The following KCND3 variants were observed in gnomAD, a reference collection of about 807,000 sequenced individuals.
KCND3 encodes potassium voltage-gated channel subfamily D member 3.
In KCND3, 9 loss-of-function variants were observed where a neutral mutation model predicts 51.1. The ratio of observed to expected loss-of-function variants is 0.18; its 90% CI spans 0.11 to 0.31. KCND3 has a LOEUF of 0.31. KCND3 is among the 10% of genes least tolerant of loss of function. The pLI is 1.00. For missense variants in KCND3, 526 were observed against 903.8 expected, an observed-to-expected ratio of 0.58 and a Z score of 5.36; for synonymous variants, 349 against 368.0, an observed-to-expected ratio of 0.95 and a Z score of 0.59.
intron 2 of KCND3, among the ~76,000 whole-genome samples, chr1:111,826,910 A>G (rs1666604800): frequency 6.6e-6 from 1 of 152,218 alleles, no homozygotes; most frequent in South Asian, 2.1e-4. Context: ...CTTATCCAAA[A>G]GGCTTGGGAC....
chr1:111,975,798 A>G (rs1674596460), intron 2 of KCND3, among the ~76,000 whole-genome samples: 1 of 152,164 alleles, frequency 6.6e-6, no homozygotes, highest in Non-Finnish European at 1.5e-5. Flanking sequence ...TACTTTTTCA[A>G]GAACAGCACA....
At chr1:111,967,520 C>G (rs1029154033) in intron 2 of KCND3, among the ~76,000 whole-genome samples, 2 of 152,190 alleles carry the variant, frequency 1.3e-5, no homozygotes, top group African/African-American at 4.8e-5. Context: ...CCGTCAAGTA[C>G]CCTGTTCACG....
intron 2 of KCND3, among the ~76,000 whole-genome samples, chr1:111,908,018 G>C (rs1294713462): frequency 6.6e-6 from 1 of 152,196 alleles, no homozygotes; most frequent in East Asian, 1.9e-4. Flanking sequence ...AGGGACTAAG[G>C]ACTATTCCCC....
At chr1:111,930,078 TTAGG>T (rs772711129) in intron 2 of KCND3, among the ~76,000 whole-genome samples, 3 of 152,198 alleles carry the variant, frequency 2.0e-5, no homozygotes, top group Non-Finnish European at 2.9e-5. Flanking sequence ...AAGAAGCTAA[TTAGG>T]TAGGCAGATT....
intron 2 of KCND3, among the ~76,000 whole-genome samples, chr1:111,968,735 T>A (rs1351564646): frequency 4.6e-5 from 7 of 152,102 alleles, no homozygotes; most frequent in Non-Finnish European, 7.4e-5. Flanking sequence ...TCTGACAGGC[T>A]CCCCCACCTG....
At chr1:111,954,407 A>G (rs902191505) in intron 2 of KCND3, among the ~76,000 whole-genome samples, 2 of 152,226 alleles carry the variant, frequency 1.3e-5, no homozygotes, top group African/African-American at 2.4e-5. Context: ...AGTTATGATT[A>G]TTAAACTGAA....
chr1:111,979,985 C>T (rs991215789), intron 2 of KCND3, among the ~76,000 whole-genome samples: 1 of 152,150 alleles, frequency 6.6e-6, no homozygotes, highest in African/African-American at 2.4e-5. Flanking sequence ...AGTGAGGTGT[C>T]TGGCCATGGG....
chr1:111,901,819 A>G (rs572473), intron 2 of KCND3, among the ~76,000 whole-genome samples: 26,196 of 152,096 alleles, frequency 0.17, 2,349 homozygotes, highest in Middle Eastern at 0.22. Flanking sequence ...CCCTGAAAGC[A>G]TAATCTCTCA....
chr1:111,815,308 C>T (rs1004386889), intron 2 of KCND3, among the ~76,000 whole-genome samples: 4 of 151,878 alleles, frequency 2.6e-5, no homozygotes, highest in Non-Finnish European at 4.4e-5. Flanking sequence ...TCCTTCTTTC[C>T]TCTTCTCCTT....
At chr1:111,869,095 C>T (rs918506358) in intron 2 of KCND3, among the ~76,000 whole-genome samples, 3 of 152,176 alleles carry the variant, frequency 2.0e-5, no homozygotes, top group Non-Finnish European at 4.4e-5. Context: ...ATCCTGCCCA[C>T]GGGCCCTCTC....
chr1:111,866,731 A>G (rs533236463), intron 2 of KCND3, among the ~76,000 whole-genome samples: 3 of 152,304 alleles, frequency 2.0e-5, no homozygotes, highest in African/African-American at 4.8e-5. Flanking sequence ...CAGGAGTTTG[A>G]GACCAACTTG....
chr1:111,822,324 C>T (rs1203431939), intron 2 of KCND3, among the ~76,000 whole-genome samples: 1 of 152,026 alleles, frequency 6.6e-6, no homozygotes, highest in Non-Finnish European at 1.5e-5. Context: ...CGCCACCATC[C>T]ATCTCCAGAG....
intron 2 of KCND3, among the ~76,000 whole-genome samples, chr1:111,974,074 T>C (rs1388286172): frequency 1.3e-5 from 2 of 152,242 alleles, no homozygotes; most frequent in African/African-American, 4.8e-5. Context: ...GGCTCAGCTA[T>C]CTTCCCTCTC....
intron 2 of KCND3, among the ~76,000 whole-genome samples, chr1:111,941,102 C>T (rs984070621): frequency 2.6e-5 from 4 of 152,170 alleles, no homozygotes; most frequent in Non-Finnish European, 5.9e-5. Flanking sequence ...CTCTGACAAA[C>T]TTACCTCAGA....
intron 2 of KCND3, among the ~76,000 whole-genome samples, chr1:111,842,285 C>T (rs1667358013): frequency 1.3e-5 from 2 of 152,216 alleles, no homozygotes; most frequent in African/African-American, 4.8e-5. Context: ...CCCAACCCAC[C>T]CTGAGCGGGC....
Position 111,780,913 on chromosome 1 carries a change from T to A in KCND3, c.1270-122A>T. The A allele has an allele frequency of 1.3e-6, 1 of 789,786 alleles. No homozygotes were observed. The highest frequency in any genetic ancestry group is 2.0e-5 in the Admixed American group (1 of 50,086). 48.9% of individuals were successfully genotyped at this position (789,786 alleles called of 1,614,324 possible). On this transcript the variant is annotated intron_variant, in intron 3 of 7. Transcript: ENST00000302127. This position sits in a 1 kb window ranked among gnomAD's most constrained non-coding sequence, Gnocchi z 4.2. ...CTGATGAAGGGGATGAGGCTGTTTC[T>A]CTCCAACCTCATGCATCTCCAGTTG...
At chr1:111,923,469 G>A (rs1571855458) in intron 2 of KCND3, among the ~76,000 whole-genome samples, 3 of 152,210 alleles carry the variant, frequency 2.0e-5, no homozygotes, top group Non-Finnish European at 1.5e-5. Context: ...CAAGCTCAGG[G>A]AATCTATCCC....
intron 2 of KCND3, among the ~76,000 whole-genome samples, chr1:111,787,783 C>T (rs1302965030): frequency 6.6e-6 from 1 of 152,206 alleles, no homozygotes; most frequent in Non-Finnish European, 1.5e-5. Flanking sequence ...TTATAATTTA[C>T]AAAGCACTTC....
At chr1:111,877,034 T>C (rs1484243389) in intron 2 of KCND3, among the ~76,000 whole-genome samples, 2 of 152,226 alleles carry the variant, frequency 1.3e-5, no homozygotes, top group Non-Finnish European at 2.9e-5. Context: ...TTTAGAAAAG[T>C]GCCTAGTATG....
Sources: allele counts gnomAD v4.1 joint callset (sites outside exome capture counted in the v4.1 genomes callset), GRCh38; gene constraint gnomAD v4.1.1; non-coding constraint Gnocchi (gnomAD v3.1); transcripts MANE v1.5; gene names NCBI Gene and HGNC (gene_info 2026-07-23, HGNC 2026-07-21).